RABGAP1L: variants seen among roughly 807,000 people sequenced by gnomAD.
RABGAP1L encodes the protein RAB GTPase activating protein 1 like.
Under a neutral mutation model 137.7 loss-of-function variants are expected in RABGAP1L, and 63 were observed. The ratio of observed to expected loss-of-function variants is 0.46; its 90% CI spans 0.37 to 0.56. RABGAP1L has a LOEUF of 0.56. Ranked by LOEUF, RABGAP1L falls within the 20% of genes least tolerant of loss-of-function variation. The probability of loss-of-function intolerance (pLI) is 0.00; values close to 1 mark genes in which losing one functional copy is unlikely to be tolerated. For missense variants in RABGAP1L, 1,095 were observed against 1,244.0 expected (o/e 0.88, Z 1.80); for synonymous variants, 431 against 433.7 (o/e 0.99, Z 0.08).
chr1:174,874,649 G>A (rs1236948822), intron 19 of RABGAP1L: 1 of 339,018 alleles, frequency 2.9e-6, no homozygotes, highest in Non-Finnish European at 4.1e-6. Context: ...AGACACTCAG[G>A]TGTAAACAAC....
chr1:174,283,312 G>A (rs1165810246), intron 10 of RABGAP1L, among the ~76,000 whole-genome samples: 1 of 151,896 alleles, frequency 6.6e-6, no homozygotes, highest in Admixed American at 6.6e-5. Flanking sequence ...AGGCTGAGGT[G>A]GGAGGATTGC....
chr1:174,691,339 A>G (rs1281018393), intron 15 of RABGAP1L, among the ~76,000 whole-genome samples: 1 of 152,226 alleles, frequency 6.6e-6, no homozygotes, highest in Non-Finnish European at 1.5e-5. Context: ...CATCTTAAAG[A>G]CTTGAAATAC....
chr1:174,947,074 G>A (rs936169242), intron 19 of RABGAP1L, among the ~76,000 whole-genome samples: 13 of 149,770 alleles, frequency 8.7e-5, no homozygotes, highest in African/African-American at 2.7e-4. Context: ...GATGGTCATC[G>A]TAGTTGTTTG....
intron 19 of RABGAP1L, chr1:174,849,540 G>A (rs1647850341): frequency 3.1e-6 from 1 of 317,518 alleles, no homozygotes; most frequent in Admixed American, 4.5e-5. Context: ...AAGTCAGGGA[G>A]GTCAATAAAT....
intron 17 of RABGAP1L, among the ~76,000 whole-genome samples, chr1:174,712,616 C>G (rs746983390): frequency 1.3e-5 from 2 of 152,152 alleles, no homozygotes; most frequent in East Asian, 3.8e-4. Context: ...TCAGCGAGAC[C>G]AAGAACCCAC....
intron 17 of RABGAP1L, among the ~76,000 whole-genome samples, chr1:174,738,077 C>T (rs555955918): frequency 6.6e-6 from 1 of 152,260 alleles, no homozygotes; most frequent in East Asian, 1.9e-4. Flanking sequence ...TGTTTGGTGG[C>T]ATCATGGGCT....
At chr1:174,574,343 C>T (rs1668205251) in intron 13 of RABGAP1L, among the ~76,000 whole-genome samples, 1 of 152,096 alleles carries the variant, frequency 6.6e-6, no homozygotes, top group African/African-American at 2.4e-5. Flanking sequence ...TTTCCACACT[C>T]ATTTTGATGA....
chr1:174,365,528 C>T (rs1558169130), intron 11 of RABGAP1L, among the ~76,000 whole-genome samples: 1 of 152,072 alleles, frequency 6.6e-6, no homozygotes, highest in East Asian at 1.9e-4. Context: ...TGGATGTTTC[C>T]CTGCTGGCTA....
Position 174,787,751 on chromosome 1 carries a change from G to T in RABGAP1L, c.2212-24081G>T, listed in dbSNP as rs570480043. Among the ~76,000 whole-genome samples, 4 of 152,222 alleles carry T rather than the reference G, an allele frequency of 2.6e-5. No homozygotes were observed. The East Asian group carries it at 7.7e-4, about 29-fold the overall frequency. ...GAGGCGAAAAGACTGAAATGTGAAG[G>T]TACTGGTAATACATATGGAGAATAG... On this transcript the variant is annotated intron_variant, in intron 18 of 25. Transcript: ENST00000681986.
chr1:174,402,673 T>G (rs931150476), intron 13 of RABGAP1L, among the ~76,000 whole-genome samples: 2 of 152,170 alleles, frequency 1.3e-5, no homozygotes, highest in African/African-American at 2.4e-5. Context: ...TGAGATGTTT[T>G]TATTATTCCT....
intron 13 of RABGAP1L, among the ~76,000 whole-genome samples, chr1:174,609,618 C>G (rs1453470850): frequency 2.6e-5 from 4 of 152,086 alleles, no homozygotes; most frequent in African/African-American, 9.7e-5. Context: ...TGATCCTTAC[C>G]TAACCTTCAT....
At chr1:174,895,770 A>G (rs952887898) in intron 19 of RABGAP1L, among the ~76,000 whole-genome samples, 4 of 152,012 alleles carry the variant, frequency 2.6e-5, no homozygotes, top group Admixed American at 1.3e-4. Context: ...AAGGACATGA[A>G]CTCATCCTTT....
intron 13 of RABGAP1L, among the ~76,000 whole-genome samples, chr1:174,481,881 T>TAAAAAAAAAAAGAAAAAAAAA (rs1659126649): frequency 1.7e-5 from 1 of 59,730 alleles, no homozygotes; most frequent in Non-Finnish European, 4.1e-5. Flanking sequence ...TAATAAAAAA[T>TAAAAAAAAAAAGAAAAAAAAA]AAAAAAAAAA....
At chr1:174,722,607 G>A (rs1328957656) in intron 17 of RABGAP1L, among the ~76,000 whole-genome samples, 2 of 151,478 alleles carry the variant, frequency 1.3e-5, no homozygotes, top group South Asian at 2.1e-4. Flanking sequence ...CCACCACCAC[G>A]TCTGGCTAAT....
At chr1:174,529,283 C>T (rs897273686) in intron 13 of RABGAP1L, among the ~76,000 whole-genome samples, 2 of 151,410 alleles carry the variant, frequency 1.3e-5, no homozygotes, top group Non-Finnish European at 2.9e-5. Flanking sequence ...TTTTGAATTT[C>T]TGGCTTTTAT....
intron 13 of RABGAP1L, among the ~76,000 whole-genome samples, chr1:174,622,497 A>G (rs940629272): frequency 1.3e-5 from 2 of 152,258 alleles, no homozygotes; most frequent in East Asian, 1.9e-4. Context: ...AATGTGGCAC[A>G]TATACACCAT....
rs570762896 is a variant in RABGAP1L, at chr1:174,974,407, T to G, written c.2545-1671T>G. 7.2e-4 allele frequency among the ~76,000 whole-genome samples: 109 copies of G among 152,268 alleles called. 2 individuals carry two copies. The South Asian group carries it at 0.021, about 30-fold the overall frequency. On this transcript the variant is annotated intron_variant, in intron 21 of 25. Transcript: ENST00000681986. ...TGGCTTGGGGCTCTAGAATGGAAGCTTTGTGCTTCCATGGTTTATTTATTT... is the reference window on the plus strand; with the variant it reads ...TGGCTTGGGGCTCTAGAATGGAAGCGTTGTGCTTCCATGGTTTATTTATTT...
intron 19 of RABGAP1L, among the ~76,000 whole-genome samples, chr1:174,819,193 A>AG (rs1252193032): frequency 9.4e-5 from 14 of 149,020 alleles, no homozygotes; most frequent in Admixed American, 9.4e-4. Flanking sequence ...TCTCTAAAAA[A>AG]AAAAAAAAAA....
At chr1:174,937,863 A>AC (rs1558255705) in intron 19 of RABGAP1L, among the ~76,000 whole-genome samples, 2 of 144,832 alleles carry the variant, frequency 1.4e-5, no homozygotes, top group African/African-American at 2.6e-5. Flanking sequence ...AGCCCAGCTA[A>AC]TTTTTTTTTC....
Sources: gnomAD v4.1 joint callset for allele counts (sites outside exome capture counted in the v4.1 genomes callset) on GRCh38, gnomAD v4.1.1 for gene constraint, MANE v1.5 for transcripts, NCBI Gene and HGNC (gene_info 2026-07-23, HGNC 2026-07-21) for gene names.